CREB5: variants seen among roughly 807,000 people sequenced by gnomAD.
The protein encoded by CREB5 is cyclic AMP-responsive element-binding protein 5.
CREB5 carries 19 observed loss-of-function variants against 57.1 expected under a neutral mutation model. The ratio of observed to expected loss-of-function variants is 0.33; its 90% confidence interval spans 0.23 to 0.49. The LOEUF is 0.49. Among genes scored for constraint, CREB5 ranks in the 20% least tolerant of loss-of-function variants. CREB5 has a pLI of 0.99. For missense variants in CREB5, 579 were observed against 671.6 expected, an observed-to-expected ratio of 0.86 and a Z score of 1.52; for synonymous variants, 238 against 238.3, an observed-to-expected ratio of 1.00 and a Z score of 0.01.
chr7:28,608,909 A>G (rs1797281607), intron 5 of CREB5, among the ~76,000 whole-genome samples: 1 of 152,140 alleles, frequency 6.6e-6, no homozygotes, highest in Admixed American at 6.6e-5. Context: ...TAACAGGGAG[A>G]TTTTGCAATT....
At chr7:28,342,781 A>G (rs1785962448) in intron 1 of CREB5, among the ~76,000 whole-genome samples, 1 of 152,244 alleles carries the variant, frequency 6.6e-6, no homozygotes, top group Admixed American at 6.5e-5. Context: ...AAACTGACAC[A>G]TAATAATTGT....
intron 5 of CREB5, among the ~76,000 whole-genome samples, chr7:28,646,032 C>T (rs374235571): frequency 1.1e-4 from 17 of 152,178 alleles, no homozygotes; most frequent in African/African-American, 4.1e-4. Context: ...ACTTACACCA[C>T]TGGCTCTGCT....
At chr7:28,423,989 G>A (rs565871177) in intron 1 of CREB5, among the ~76,000 whole-genome samples, 1 of 152,282 alleles carries the variant, frequency 6.6e-6, no homozygotes, top group South Asian at 2.1e-4. Flanking sequence ...AGTTCTGGAG[G>A]CTGCGAGTCA....
In CREB5 at chr7:28,507,632, A is replaced by G; in HGVS notation, c.186A>G (p.Pro62=). The G allele has an allele frequency of 1.2e-6, 2 of 1,610,726 alleles. No homozygotes were observed. Among genetic ancestry groups the G allele is most frequent in the Non-Finnish European group, 1.7e-6 (2 of 1,177,584 alleles). The part of the protein sequence containing the change: ...DNMLSDQTPT[P]TRFLKNCEEV... ...TGTTTTCAGATCAAACTCCGACCCC[A>G]ACGAGATTCCTGAAGAACTGCGAGG... Residue 62 remains proline, a synonymous_variant, in exon 4 of 11, where the codon CCA becomes CCG. Coordinates refer to ENST00000357727, the MANE Select transcript of CREB5 (RefSeq NM_182898.4).
chr7:28,772,876 A>G (rs10238623), intron 7 of CREB5, among the ~76,000 whole-genome samples: 103,591 of 151,810 alleles, frequency 0.68, 35,760 homozygotes, highest in East Asian at 0.83. Context: ...TTTAAGTGAC[A>G]CTTGTGCACC....
intron 1 of CREB5, among the ~76,000 whole-genome samples, chr7:28,467,846 A>G (rs938697509): frequency 6.6e-6 from 1 of 152,166 alleles, no homozygotes; most frequent in African/African-American, 2.4e-5. Context: ...GATGGCCCCT[A>G]GGATGGGAAT....
chr7:28,720,556 G>T (rs1050109070), intron 6 of CREB5, among the ~76,000 whole-genome samples: 1 of 152,142 alleles, frequency 6.6e-6, no homozygotes, highest in Non-Finnish European at 1.5e-5. Context: ...GCAGGGGAAC[G>T]GCGAAGGGCC....
At chr7:28,595,729 C>A (rs922413897) in intron 5 of CREB5, among the ~76,000 whole-genome samples, 1 of 152,196 alleles carries the variant, frequency 6.6e-6, no homozygotes, top group African/African-American at 2.4e-5. Context: ...ATGGGTCTGG[C>A]TTATGGCTCT....
chr7:28,634,757 C>T (rs1798345578), intron 5 of CREB5, among the ~76,000 whole-genome samples: 1 of 152,164 alleles, frequency 6.6e-6, no homozygotes, highest in African/African-American at 2.4e-5. Flanking sequence ...TAGCTCTGGT[C>T]CATCTCACTT....
chr7:28,668,355 T>C (rs1178978406), intron 5 of CREB5, among the ~76,000 whole-genome samples: 3 of 152,232 alleles, frequency 2.0e-5, no homozygotes, highest in Non-Finnish European at 2.9e-5. Context: ...TTCTTTTCCA[T>C]TGTCTGGGTT....
intron 7 of CREB5, among the ~76,000 whole-genome samples, chr7:28,731,341 C>T (rs944257848): frequency 4.6e-5 from 7 of 152,138 alleles, no homozygotes; most frequent in Non-Finnish European, 1.0e-4. Context: ...TATATTTCTA[C>T]AGAAAAGAAT....
At chr7:28,728,958 T>G (rs751751085) in intron 7 of CREB5, among the ~76,000 whole-genome samples, 7 of 152,130 alleles carry the variant, frequency 4.6e-5, no homozygotes, top group Non-Finnish European at 1.0e-4. Context: ...AAAATAGAAG[T>G]TGGAATGTCT....
intron 1 of CREB5, among the ~76,000 whole-genome samples, chr7:28,371,065 G>A (rs1454333423): frequency 1.3e-5 from 2 of 152,196 alleles, no homozygotes; most frequent in Admixed American, 1.3e-4. Context: ...TAAATGACAG[G>A]AGACAGCAAG....
intron 1 of CREB5, among the ~76,000 whole-genome samples, chr7:28,332,033 T>A (rs1291490876): frequency 6.6e-6 from 1 of 152,118 alleles, no homozygotes; most frequent in Non-Finnish European, 1.5e-5. Context: ...CCATCCTGGA[T>A]TATTTGGATA....
intron 1 of CREB5, among the ~76,000 whole-genome samples, chr7:28,299,768 T>G (rs1785068144): frequency 6.6e-6 from 1 of 152,228 alleles, no homozygotes. Context: ...ACATTTACCC[T>G]ATGTTAGATA....
chr7:28,372,652 G>A (rs1022729075), intron 1 of CREB5, among the ~76,000 whole-genome samples: 2 of 152,146 alleles, frequency 1.3e-5, no homozygotes, highest in Non-Finnish European at 1.5e-5. Context: ...TGACTATAAA[G>A]CTCTTTGAAT....
chr7:28,541,667 A>G (rs751028174), intron 4 of CREB5, among the ~76,000 whole-genome samples: 1 of 147,798 alleles, frequency 6.8e-6, no homozygotes, highest in Non-Finnish European at 1.5e-5. Flanking sequence ...CACAAAAAAC[A>G]AACAAACAAA....
chr7:28,679,237 T>C (rs1800475589), intron 5 of CREB5, among the ~76,000 whole-genome samples: 1 of 152,142 alleles, frequency 6.6e-6, no homozygotes. Flanking sequence ...TGTTTTGAAC[T>C]TATCATGTGC....
In CREB5 at chr7:28,556,594, C is replaced by T. The variant is rs116491430; in HGVS notation, c.292-13771C>T. On this transcript the variant is annotated intron_variant, in intron 4 of 10. Coordinates refer to ENST00000357727, the MANE Select transcript of CREB5 (RefSeq NM_182898.4). ...TCTTGTATAAATTTTCTCTAATGAACATGTGTATTATGGATATACTGGTGA... is the reference window on the plus strand; with the variant it reads ...TCTTGTATAAATTTTCTCTAATGAATATGTGTATTATGGATATACTGGTGA... Among the ~76,000 whole-genome samples the T allele has an allele frequency of 7.2e-3, 1,103 of 152,228 alleles. 14 individuals are homozygous for T. The highest frequency in any genetic ancestry group is 0.025 in the African/African-American group (1,032 of 41,514).
Sources: gnomAD v4.1 joint callset for allele counts (sites outside exome capture counted in the v4.1 genomes callset) on GRCh38, gnomAD v4.1.1 for gene constraint, MANE v1.5 for transcripts, NCBI Gene and HGNC (gene_info 2026-07-23, HGNC 2026-07-21) for gene names.